The following KRT6A variants were observed in gnomAD, a reference collection of about 807,000 sequenced individuals.
KRT6A encodes keratin 6A.
Under a neutral mutation model 48.6 loss-of-function variants are expected in KRT6A, and 28 were observed. The ratio of observed to expected loss-of-function variants is 0.58; its 90% CI spans 0.43 to 0.79. KRT6A has a LOEUF of 0.79. Ranked by LOEUF, KRT6A falls within the 30% of genes least tolerant of loss-of-function variation. The probability of loss-of-function intolerance (pLI) is 0.00; values close to 1 mark genes in which losing one functional copy is unlikely to be tolerated. For missense variants in KRT6A, 687 were observed against 724.3 expected (o/e 0.95, Z 0.59); for synonymous variants, 301 against 294.2 (o/e 1.02, Z -0.24).
chr12:52,488,582 T>C (rs752252266), intron 6 of KRT6A, 34 bp from the exon 7 acceptor site: 1 of 1,612,208 alleles, frequency 6.2e-7, no homozygotes, highest in Admixed American at 1.7e-5. Context: ...AAACTTGTCA[T>C]CCGGTCTTCC....
At chr12:52,491,897 T>C (rs1850556114) in intron 1 of KRT6A, among the ~76,000 whole-genome samples, 161 bp from the exon 2 acceptor site, 1 of 152,190 alleles carries the variant, frequency 6.6e-6, no homozygotes, top group Non-Finnish European at 1.5e-5. Flanking sequence ...CCCCTTCTCC[T>C]TTGTACCCCA....
In KRT6A at chr12:52,490,683, G is replaced by T. The variant is rs546415971; in HGVS notation, c.963C>A (p.Ser321=). The T allele has an allele frequency of 6.2e-7, 1 of 1,614,232 alleles. No individual in the cohort carries two copies. The highest frequency in any genetic ancestry group is 1.1e-5 in the South Asian group (1 of 91,084). Residue 321 remains serine (S), a synonymous_variant, in exon 5 of 9, where the codon TCC becomes TCA. Transcript: ENST00000330722. ...THISDTSVVL[S]MDNNRNLDLD... is the part of the protein sequence containing the mutation. ...GGTCCAGGTTGCGGTTGTTGTCCATGGACAGCACCACAGATGTGTCTGAGA... is the reference window on the plus strand; with the variant it reads ...GGTCCAGGTTGCGGTTGTTGTCCATTGACAGCACCACAGATGTGTCTGAGA...
In KRT6A at chr12:52,492,670, C is replaced by T; in HGVS notation, c.519G>A (p.Lys173=). Residue 173 remains lysine (K), a synonymous_variant, in exon 1 of 9, where the codon AAG becomes AAA. Coordinates refer to ENST00000330722, the MANE Select transcript of KRT6A (RefSeq NM_005554.4). Reference sequence around the variant, plus strand: ...TCACCTTGTCGATGAAGGAGGCAAACTTGTTGTTGAGGGTCTTGATCTGTT... The same window carrying T: ...TCACCTTGTCGATGAAGGAGGCAAATTTGTTGTTGAGGGTCTTGATCTGTT... ...EREQIKTLNN[K]FASFIDKVRF... is the part of the protein sequence containing the mutation. 6.2e-7 allele frequency: 1 copy of T among 1,614,084 alleles called. No individual in the cohort carries two copies. The highest frequency in any genetic ancestry group is 8.5e-7 in the Non-Finnish European group (1 of 1,179,950).
Position 52,492,798 on chromosome 12 carries a change from G to T in KRT6A, c.391C>A (p.Pro131Thr). 6.2e-7 allele frequency: 1 copy of T among 1,613,310 alleles called. No homozygotes were observed. The highest frequency in any genetic ancestry group is 8.5e-7 in the Non-Finnish European group (1 of 1,179,778). Residue 131 changes from proline to threonine, a missense_variant, in exon 1 of 9, where the codon CCC (proline) becomes ACC (threonine). By Grantham distance (38) the Pro-to-Thr change is conservative (BLOSUM62 -1). Coordinates refer to ENST00000330722, the MANE Select transcript of KRT6A (RefSeq NM_005554.4). ...GFGGPGFPVC[P>T]PGGIQEVTVN... ...GTGACCTCTTGGATGCCTCCAGGGG[G>T]GCACACAGGGAAGCCAGGGCCCCCA...
At position 52,488,175 on chromosome 12, in the gene KRT6A, C is replaced by T. The variant is rs963519140; in HGVS notation, c.1425-72G>A. 12 of 1,613,732 alleles carry T rather than the reference C, an allele frequency of 7.4e-6. No homozygotes were observed. In the Admixed American group the frequency reaches 1.0e-4, roughly 13 times the overall value. ...TTCCCTGGACCAGCGTGGGCAGCCT[C>T]GGTGGGTGGAAGAGTCCATGGGAAA... On this transcript the variant is annotated intron_variant, in intron 7 of 8. Transcript: ENST00000330722.
Position 52,490,001 on chromosome 12 carries a change from G to C in KRT6A, c.1145C>G (p.Ala382Gly). 1 of 1,614,038 alleles carries C rather than the reference G, an allele frequency of 6.2e-7. No individual in the cohort carries two copies. Among genetic ancestry groups the C allele is most frequent in the Non-Finnish European group, 8.5e-7 (1 of 1,180,016 alleles). The change falls in exon 6 of 9, where the codon GCT becomes GGT. Residue 382 changes from alanine (A) to glycine (G), a missense_variant. Physicochemically the swap from Ala to Gly is moderately conservative, Grantham distance 60. This residue lies in a region of KRT6A where 566 missense variants were observed against 565.3 expected (regional missense o/e 1.00). Transcript: ENST00000330722. ...CCTCTGGATCATGCGGTTGATCTCA[G>C]CAATCTCCTGCTTGGTGTTGCGCAG... ...DDLRNTKQEI[A>G]EINRMIQRLR...
intron 6 of KRT6A, 90 bp from the exon 7 acceptor site, chr12:52,488,638 G>A (rs1938196604): frequency 1.4e-5 from 21 of 1,523,142 alleles, no homozygotes; most frequent in Admixed American, 5.4e-5. Context: ...AAGGGGCCAG[G>A]AGCCCAGAAT....
At position 52,490,726 on chromosome 12, in the gene KRT6A, G is replaced by A. The variant is rs775408129; in HGVS notation, c.920C>T (p.Ser307Phe). 5.6e-6 allele frequency: 9 copies of A among 1,614,224 alleles called. No homozygotes were observed. Among genetic ancestry groups the A allele is most frequent in the Non-Finnish European group, 6.8e-6 (8 of 1,180,042 alleles). ...FLRALYDAEL[S>F]QMQTHISDTS... ...GTCTGAGATGTGGGTCTGCATCTGG[G>A]ACAGCTCCTGCAGAACAGAAGGTCA... Residue 307 changes from serine to phenylalanine, a missense_variant, in exon 5 of 9, where the codon TCC becomes TTC. Physicochemically the swap from Ser to Phe is radical, Grantham distance 155. Coordinates refer to ENST00000330722, the MANE Select transcript of KRT6A (RefSeq NM_005554.4).
Position 52,489,948 on chromosome 12 carries a change from T to G in KRT6A, c.1198A>C (p.Lys400Gln), listed in dbSNP as rs199654876. The change falls in exon 6 of 9, where the codon AAG becomes CAG. Residue 400 changes from lysine (K) to glutamine (Q), a missense_variant. Coordinates refer to ENST00000330722, the MANE Select transcript of KRT6A (RefSeq NM_005554.4). ...TCCATTGTCCCTCACCATACCTGCTTCTTGACGTGGTCGATCTCAGATCTC... is the reference window on the plus strand; with the variant it reads ...TCCATTGTCCCTCACCATACCTGCTGCTTGACGTGGTCGATCTCAGATCTC... ...RLRSEIDHVKKQCANLQAAIA... is the reference protein window; with the variant it reads ...RLRSEIDHVKQQCANLQAAIA... 1.5e-4 allele frequency: 249 copies of G among 1,613,950 alleles called. No individual in the cohort carries two copies. The highest frequency in any genetic ancestry group is 2.1e-4 in the Non-Finnish European group (245 of 1,180,012).
rs754716072 is a variant in KRT6A, at chr12:52,491,589, C to G, written c.688G>C (p.Gly230Arg). ...TCTGAGTCCAGGCGGCCCCGTTCCCCGACAATGCTGTCCAGCTGCCTCCTG... is the reference window on the plus strand; with the variant it reads ...TCTGAGTCCAGGCGGCCCCGTTCCCGGACAATGCTGTCCAGCTGCCTCCTG... ...NLRRQLDSIV[G>R]ERGRLDSELR... The change falls in exon 2 of 9, where the codon GGG (glycine) becomes CGG (arginine). Residue 230 changes from glycine to arginine, a missense_variant. Around this residue, in one of 3 missense-constraint regions of KRT6A, gnomAD observed 566 missense variants for 565.3 expected, o/e 1.00. Transcript: ENST00000330722. The G allele has an allele frequency of 1.2e-6, 2 of 1,614,054 alleles. No homozygotes were observed. The highest frequency in any genetic ancestry group is 1.7e-6 in the Non-Finnish European group (2 of 1,180,046).
rs1320652635 is a variant in KRT6A at position 52,487,845 on chromosome 12, C to T, written c.1570G>A (p.Gly524Arg). 2.9e-5 allele frequency: 47 copies of T among 1,613,956 alleles called. No individual in the cohort carries two copies. The highest frequency in any genetic ancestry group is 4.0e-5 in the Non-Finnish European group (47 of 1,179,916). Residue 524 changes from glycine (G) to arginine (R), a missense_variant, in exon 9 of 9, where the codon GGA becomes AGA. By Grantham distance (125) the Gly-to-Arg change is moderately radical. Transcript: ENST00000330722. Reference protein sequence around the residue: ...SYSYGSGLGVGGGFSSSSGRA... With the variant: ...SYSYGSGLGVRGGFSSSSGRA... ...CCACTGCTGGAACTGAAGCCACCTC[C>T]AACGCCAAGACCACTGCCATAGGAG...
Position 52,491,805 on chromosome 12 carries a change from C to T in KRT6A, c.541-69G>A. 1.9e-6 allele frequency: 3 copies of T among 1,588,830 alleles called. No homozygotes were observed. The South Asian group carries it at 3.4e-5, about 18-fold the overall frequency. ...AGAAAAAGTGTCTGGTATCCGGTTTCCTGGCAGGTCCGGGAGGTTCCCATG... is the reference window on the plus strand; with the variant it reads ...AGAAAAAGTGTCTGGTATCCGGTTTTCTGGCAGGTCCGGGAGGTTCCCATG... On this transcript the variant is annotated intron_variant, in intron 1 of 8. Transcript: ENST00000330722.
At position 52,490,865 on chromosome 12, in the gene KRT6A, T is replaced by A; in HGVS notation, c.905A>T (p.Tyr302Phe). 6.2e-7 allele frequency: 1 copy of A among 1,614,058 alleles called. No homozygotes were observed. The highest frequency in any genetic ancestry group is 8.5e-7 in the Non-Finnish European group (1 of 1,179,900). ...TDEINFLRAL[Y>F]DAELSQMQTH... ...GATGGTGGAGATGCTTACTGCATCA[T>A]ACAAGGCTCTCAGGAAGTTGATCTC... Residue 302 changes from tyrosine to phenylalanine, a missense_variant, in exon 4 of 9, where the codon TAT becomes TTT. Physicochemically the swap from Tyr to Phe is conservative, Grantham distance 22. Transcript: ENST00000330722.
intron 5 of KRT6A, chr12:52,490,302 C>T (rs1177062566): frequency 8.3e-6 from 8 of 959,650 alleles, no homozygotes; most frequent in South Asian, 1.6e-5. Context: ...ATGTTCTGTA[C>T]CAATTTCTAA....
chr12:52,490,496 A>G, intron 5 of KRT6A, 73 bp downstream of exon 5: 1 of 1,612,408 alleles, frequency 6.2e-7, no homozygotes, highest in Admixed American at 1.7e-5. Flanking sequence ...GGATGTCCCC[A>G]GTAAAGTCTG....
At chr12:52,491,831 G>A (rs1938272275) in intron 1 of KRT6A, 95 bp from the exon 2 acceptor site, 1 of 1,501,982 alleles carries the variant, frequency 6.7e-7, no homozygotes, top group African/African-American at 1.4e-5. Flanking sequence ...GGTTCCCATG[G>A]TGCTGGGCTA....
At chr12:52,489,868 C>A in intron 6 of KRT6A, 75 bp downstream of exon 6, 2 of 1,611,638 alleles carry the variant, frequency 1.2e-6, no homozygotes, top group Non-Finnish European at 1.7e-6. Flanking sequence ...GGGGATTTTC[C>A]CTAATATAAT....
rs1216748875 is a variant in KRT6A, at chr12:52,492,788, C to T, written c.401G>A (p.Gly134Asp). The T allele has an allele frequency of 3.1e-6, 5 of 1,613,596 alleles. No individual in the cohort carries two copies. Among genetic ancestry groups the T allele is most frequent in the Non-Finnish European group, 4.2e-6 (5 of 1,179,884 alleles). The change falls in exon 1 of 9, where the codon GGC (glycine) becomes GAC (aspartate). Residue 134 changes from glycine to aspartate, a missense_variant. Coordinates refer to ENST00000330722, the MANE Select transcript of KRT6A (RefSeq NM_005554.4). ...GPGFPVCPPG[G>D]IQEVTVNQSL... Reference sequence around the variant, plus strand: ...CTGGTTGACGGTGACCTCTTGGATGCCTCCAGGGGGGCACACAGGGAAGCC... The same window carrying T: ...CTGGTTGACGGTGACCTCTTGGATGTCTCCAGGGGGGCACACAGGGAAGCC...
chr12:52,490,851 T>C lies in KRT6A; in HGVS notation c.912+7A>G. The C allele has an allele frequency of 1.2e-6, 2 of 1,614,068 alleles. No individual in the cohort carries two copies. Among genetic ancestry groups the C allele is most frequent in the African/African-American group, 2.7e-5 (2 of 75,056 alleles). On this transcript the variant is annotated splice_region_variant and intron_variant, in intron 4 of 8. Coordinates refer to ENST00000330722, the MANE Select transcript of KRT6A (RefSeq NM_005554.4). Reference sequence around the variant, plus strand: ...AGAGTAAACAGAAGGATGGTGGAGATGCTTACTGCATCATACAAGGCTCTC... The same window carrying C: ...AGAGTAAACAGAAGGATGGTGGAGACGCTTACTGCATCATACAAGGCTCTC...
Sources: allele counts gnomAD v4.1 joint callset (sites outside exome capture counted in the v4.1 genomes callset), GRCh38; gene constraint gnomAD v4.1.1; regional missense constraint gnomAD v4.1.1; transcripts MANE v1.5; gene names NCBI Gene and HGNC (gene_info 2026-07-23, HGNC 2026-07-21).